The following RANBP2 variants were observed in gnomAD, a reference collection of about 807,000 sequenced individuals.
RANBP2 encodes RAN binding protein 2, also known as E3 SUMO-protein ligase RanBP2.
Under a neutral mutation model 303.6 loss-of-function variants are expected in RANBP2, and 57 were observed. The ratio of observed to expected loss-of-function variants is 0.19; its 90% CI spans 0.15 to 0.23. The LOEUF is 0.23. Ranked by LOEUF, RANBP2 falls within the 10% of genes least tolerant of loss-of-function variation. RANBP2 has a pLI of 1.00. For synonymous variants in RANBP2, 1,167 were observed against 1,301.5 expected, an observed-to-expected ratio of 0.90 and a Z score of 2.23; for missense variants, 3,138 against 3,780.8, an observed-to-expected ratio of 0.83 and a Z score of 4.46.
At chr2:109,631,250 G>A in the RANBP2 span, among the ~76,000 whole-genome samples, 1 of 151,918 alleles carries the variant, frequency 6.6e-6, no homozygotes, top group Non-Finnish European at 1.5e-5. Context: ...TCACCTTGTG[G>A]CAGAGCCAGG....
the RANBP2 span, among the ~76,000 whole-genome samples, chr2:109,370,902 G>A: frequency 6.6e-5 from 10 of 152,306 alleles, no homozygotes; most frequent in South Asian, 2.1e-3. Flanking sequence ...AATGTAGTTG[G>A]ACTGAGTTAT....
chr2:108,906,323 A>G, the RANBP2 span: 1 of 1,613,978 alleles, frequency 6.2e-7, no homozygotes. Context: ...ACGACTCCAC[A>G]CACGTTGGCA....
chr2:109,604,668 A>G, the RANBP2 span, among the ~76,000 whole-genome samples: 1 of 148,398 alleles, frequency 6.7e-6, no homozygotes, highest in Non-Finnish European at 1.5e-5. Context: ...CGGAGCTTAC[A>G]GTGAGCCAAG....
At chr2:109,524,110 C>T in the RANBP2 span, among the ~76,000 whole-genome samples, 3 of 152,294 alleles carry the variant, frequency 2.0e-5, no homozygotes, top group South Asian at 2.1e-4. Context: ...CGTGGGCCTC[C>T]GTTCTGCACA....
chr2:108,760,681 A>G (rs1198877553), intron 18 of RANBP2, among the ~76,000 whole-genome samples: 1 of 152,132 alleles, frequency 6.6e-6, no homozygotes, highest in Non-Finnish European at 1.5e-5. Flanking sequence ...ATTCATGCAA[A>G]TGGCAGTTGG....
chr2:109,128,925 C>A, the RANBP2 span: 1 of 377,762 alleles, frequency 2.6e-6, no homozygotes. Flanking sequence ...GTCCTGCAGG[C>A]ACGGCGCCTC....
At chr2:109,294,496 G>A in the RANBP2 span, among the ~76,000 whole-genome samples, 1 of 151,502 alleles carries the variant, frequency 6.6e-6, no homozygotes, top group Non-Finnish European at 1.5e-5. Flanking sequence ...AGGAGGTGGA[G>A]GTTGCAGTGA....
At chr2:108,775,577 T>G in intron 23 of RANBP2, 155 bp from the exon 24 acceptor site, 2 of 205,070 alleles carry the variant, frequency 9.8e-6, no homozygotes, top group Non-Finnish European at 1.7e-5. Context: ...AGTGTAGGCA[T>G]TTAGTTATAG....
chr2:109,301,247 C>G, the RANBP2 span, among the ~76,000 whole-genome samples: 1 of 151,968 alleles, frequency 6.6e-6, no homozygotes, highest in Non-Finnish European at 1.5e-5. Flanking sequence ...CACCGGGACT[C>G]AGACTTTCTC....
chr2:109,299,541 C>T, the RANBP2 span, among the ~76,000 whole-genome samples: 18 of 152,122 alleles, frequency 1.2e-4, no homozygotes, highest in South Asian at 2.1e-4. Context: ...AGGAGGACTG[C>T]GCTCCCAGGG....
the RANBP2 span, among the ~76,000 whole-genome samples, chr2:108,933,229 A>G: frequency 1.3e-5 from 2 of 152,280 alleles, no homozygotes; most frequent in East Asian, 1.9e-4. Context: ...TCCAGCAAAG[A>G]TTTTTTTGGC....
chr2:108,921,984 G>A, the RANBP2 span, among the ~76,000 whole-genome samples: 1 of 152,248 alleles, frequency 6.6e-6, no homozygotes, highest in Non-Finnish European at 1.5e-5. Context: ...GGAGTGGGGT[G>A]CGCTCATCTT....
At chr2:108,817,836 T>C in the RANBP2 span, among the ~76,000 whole-genome samples, 6 of 152,188 alleles carry the variant, frequency 3.9e-5, no homozygotes, top group African/African-American at 1.4e-4. Context: ...GTTGTTTAAA[T>C]GTTAAGTTTG....
chr2:109,078,096 A>ATATATATATATATATATATATATATAGCG, the RANBP2 span, among the ~76,000 whole-genome samples: 3 of 54,634 alleles, frequency 5.5e-5, no homozygotes, highest in African/African-American at 3.2e-4. Flanking sequence ...ATATATATAT[A>ATATATATATATATATATATATATATAGCG]TATATATATA....
the RANBP2 span, among the ~76,000 whole-genome samples, chr2:109,517,141 G>A: frequency 6.6e-6 from 1 of 152,078 alleles, no homozygotes; most frequent in Admixed American, 6.5e-5. Flanking sequence ...GTCCCTGTAC[G>A]AGCCTTAGAA....
At chr2:108,867,058 A>G in the RANBP2 span, among the ~76,000 whole-genome samples, 1 of 152,178 alleles carries the variant, frequency 6.6e-6, no homozygotes, top group African/African-American at 2.4e-5. Flanking sequence ...AATATTTATT[A>G]TGAAAAGATT....
the RANBP2 span, among the ~76,000 whole-genome samples, chr2:109,326,805 T>A: frequency 1.3e-5 from 2 of 152,236 alleles, no homozygotes; most frequent in Non-Finnish European, 2.9e-5. Flanking sequence ...GTAGGTTTTC[T>A]TAGGGGGACG....
At chr2:109,732,737 G>A in the RANBP2 span, 1 of 687,910 alleles carries the variant, frequency 1.5e-6, no homozygotes, top group Non-Finnish European at 2.7e-6. Context: ...GTAGGTTTAT[G>A]CAGGCAATCT....
the RANBP2 span, chr2:109,503,034 C>T: frequency 6.6e-6 from 1 of 152,160 alleles, no homozygotes; most frequent in Non-Finnish European, 1.5e-5. Flanking sequence ...GGAGGTGCAG[C>T]TTTGATGCTG....
Sources: gnomAD v4.1 joint callset for allele counts (sites outside exome capture counted in the v4.1 genomes callset) on GRCh38, gnomAD v4.1.1 for gene constraint, MANE v1.5 for transcripts, NCBI Gene and HGNC (gene_info 2026-07-23, HGNC 2026-07-21) for gene names.